The following TRABD2B variants were observed in gnomAD, a reference collection of about 807,000 sequenced individuals.
The protein encoded by TRABD2B is TraB domain containing 2B.
A neutral mutation model predicts 40.1 loss-of-function variants in TRABD2B; 14 were observed. The ratio of observed to expected loss-of-function variants is 0.35; its 90% confidence interval spans 0.23 to 0.55. The LOEUF is 0.55. Ranked by LOEUF, TRABD2B falls within the 20% of genes least tolerant of loss-of-function variation. The pLI is 0.90. For synonymous variants in TRABD2B, 263 were observed against 277.0 expected (o/e 0.95, Z 0.50); for missense variants, 541 against 648.6 (o/e 0.83, Z 1.80).
chr1:47,934,251 T>A (rs986512469), intron 2 of TRABD2B, among the ~76,000 whole-genome samples: 1 of 152,218 alleles, frequency 6.6e-6, no homozygotes, highest in African/African-American at 2.4e-5. Flanking sequence ...CAGTCTCTGG[T>A]TCATCCCACC....
rs750996564 is a variant in TRABD2B, at chr1:47,994,276, C to T, written c.424G>A (p.Gly142Ser). 64 of 1,536,816 alleles carry T rather than the reference C, an allele frequency of 4.2e-5. No individual in the cohort carries two copies. In the East Asian group the frequency reaches 1.5e-3, roughly 36 times the overall value. The stretch of plus-strand genomic sequence containing the variant: ...AGGTAGTCAGCATAGAGCCCCTTGC[C>T]CCGCTGAGCGGGCGTCATCCAGGAG... ...MPSWMTPAQR[G>S]KGLYADYLFN... Residue 142 changes from glycine (G) to serine (S), a missense_variant, in exon 2 of 7, where the codon GGC (glycine) becomes AGC (serine). Physicochemically the swap from Gly to Ser is moderately conservative, Grantham distance 56. Coordinates refer to ENST00000606738, the MANE Select transcript of TRABD2B (RefSeq NM_001194986.2). This position sits in a 1 kb window ranked among gnomAD's most constrained non-coding sequence, Gnocchi z 6.7.
chr1:47,985,625 G>T (rs1185927943), intron 2 of TRABD2B, among the ~76,000 whole-genome samples: 3 of 152,260 alleles, frequency 2.0e-5, no homozygotes, highest in Admixed American at 6.5e-5. Context: ...GGCATGGTCT[G>T]ATGACCTCAT....
At position 47,996,054 on chromosome 1, in the gene TRABD2B, C is replaced by T. The variant is rs761061788; in HGVS notation, c.102+634G>A. Among the ~76,000 whole-genome samples the T allele has an allele frequency of 6.6e-6, 1 of 152,206 alleles. No homozygotes were observed. Among genetic ancestry groups the T allele is most frequent in the Non-Finnish European group, 1.5e-5 (1 of 68,048 alleles). ...ATTAGGAGAACCAGTAATTACTCGACCCCAAGAAATATTAGGCCAGTATGT... is the reference window on the plus strand; with the variant it reads ...ATTAGGAGAACCAGTAATTACTCGATCCCAAGAAATATTAGGCCAGTATGT... On this transcript the variant is annotated intron_variant, in intron 1 of 6. Coordinates refer to ENST00000606738, the MANE Select transcript of TRABD2B (RefSeq NM_001194986.2). The surrounding 1 kb of genome is among the most constrained non-coding windows in gnomAD (Gnocchi z 4.6).
chr1:47,914,124 C>G (rs763803749), intron 2 of TRABD2B, among the ~76,000 whole-genome samples: 8 of 152,250 alleles, frequency 5.3e-5, no homozygotes, highest in Non-Finnish European at 1.0e-4. Context: ...GCCTGGATAA[C>G]TGGAAATGGG....
At chr1:47,887,997 G>A (rs918171981) in intron 2 of TRABD2B, among the ~76,000 whole-genome samples, 1 of 152,174 alleles carries the variant, frequency 6.6e-6, no homozygotes, top group Non-Finnish European at 1.5e-5. Context: ...CTTCACAAGG[G>A]AGACAAATGA....
chr1:47,908,608 C>A (rs193055481), intron 2 of TRABD2B, among the ~76,000 whole-genome samples: 1 of 152,338 alleles, frequency 6.6e-6, no homozygotes, highest in Non-Finnish European at 1.5e-5. Context: ...CTGTCTCTTG[C>A]CACCTCCTCT....
At chr1:47,883,241 T>A (rs1644328817) in intron 2 of TRABD2B, among the ~76,000 whole-genome samples, 1 of 152,188 alleles carries the variant, frequency 6.6e-6, no homozygotes, top group Non-Finnish European at 1.5e-5. Flanking sequence ...GCAGCAGAGT[T>A]GGGACTTAAT....
intron 2 of TRABD2B, among the ~76,000 whole-genome samples, chr1:47,868,761 C>T (rs56177561): frequency 0.026 from 3,898 of 152,290 alleles, 77 homozygotes; most frequent in Non-Finnish European, 0.037. Context: ...AACCACTGCT[C>T]TAAAGCACGG....
At position 47,898,620 on chromosome 1, in the gene TRABD2B, G is replaced by T. The variant is rs115714773; in HGVS notation, c.666+95414C>A. ...TATCTACAATTCTGAAATCCAAAAC[G>T]CTCTGAAGAATGTCTTTGGTAACTT... On this transcript the variant is annotated intron_variant, in intron 2 of 6. Transcript: ENST00000606738. Among the ~76,000 whole-genome samples the T allele has an allele frequency of 3.6e-3, 543 of 152,204 alleles. 6 individuals are homozygous for T. The highest frequency in any genetic ancestry group is 0.012 in the African/African-American group (500 of 41,506).
chr1:47,868,719 C>A (rs1253066900), intron 2 of TRABD2B, among the ~76,000 whole-genome samples: 1 of 152,156 alleles, frequency 6.6e-6, no homozygotes, highest in Non-Finnish European at 1.5e-5. Context: ...TTATCTTCCA[C>A]CAAACTGGTC....
At chr1:47,802,992 A>G (rs950653894) in intron 2 of TRABD2B, among the ~76,000 whole-genome samples, 7 of 152,052 alleles carry the variant, frequency 4.6e-5, no homozygotes, top group Non-Finnish European at 8.8e-5. Context: ...TCCAAATACT[A>G]AAATACTCAG....
chr1:47,927,013 C>A (rs1296055975), intron 2 of TRABD2B, among the ~76,000 whole-genome samples: 1 of 152,200 alleles, frequency 6.6e-6, no homozygotes, highest in African/African-American at 2.4e-5. Flanking sequence ...TAGGCAAGTG[C>A]TGGATTGTAT....
chr1:47,977,396 A>G (rs1456348590), intron 2 of TRABD2B, among the ~76,000 whole-genome samples: 1 of 152,082 alleles, frequency 6.6e-6, no homozygotes, highest in African/African-American at 2.4e-5. Context: ...TTAATATGTG[A>G]GTTAGAAGGC....
chr1:47,884,311 T>C (rs536080055), intron 2 of TRABD2B, among the ~76,000 whole-genome samples: 77 of 152,352 alleles, frequency 5.1e-4, no homozygotes, highest in Middle Eastern at 3.4e-3. Context: ...CCTGTCCTTT[T>C]TCCCTCTCCA....
intron 2 of TRABD2B, among the ~76,000 whole-genome samples, chr1:47,959,510 A>G (rs953334178): frequency 1.3e-5 from 2 of 152,248 alleles, no homozygotes; most frequent in Non-Finnish European, 2.9e-5. Flanking sequence ...GATGCAATAA[A>G]AAAATGATAA....
intron 2 of TRABD2B, among the ~76,000 whole-genome samples, chr1:47,906,694 G>C (rs1387723728): frequency 1.3e-5 from 2 of 152,242 alleles, no homozygotes; most frequent in African/African-American, 4.8e-5. Flanking sequence ...GGAAAAGCTG[G>C]ATTTCTCCAC....
chr1:47,900,302 C>G (rs1404426871), intron 2 of TRABD2B, among the ~76,000 whole-genome samples: 1 of 152,174 alleles, frequency 6.6e-6, no homozygotes, highest in African/African-American at 2.4e-5. Flanking sequence ...TAAGGCAGGG[C>G]CCACTTGCTC....
chr1:47,917,334 T>C (rs1169007510), intron 2 of TRABD2B, among the ~76,000 whole-genome samples: 1 of 152,222 alleles, frequency 6.6e-6, no homozygotes, highest in Non-Finnish European at 1.5e-5. Context: ...CATTCCCTCA[T>C]ATCTGCGGAT....
chr1:47,839,661 A>G (rs1236764342), intron 2 of TRABD2B, among the ~76,000 whole-genome samples: 1 of 152,188 alleles, frequency 6.6e-6, no homozygotes, highest in African/African-American at 2.4e-5. Context: ...GAGGGTCTGG[A>G]GCAGGCCCAG....
Sources: gnomAD v4.1 joint callset for allele counts (sites outside exome capture counted in the v4.1 genomes callset) on GRCh38, gnomAD v4.1.1 for gene constraint, Gnocchi (gnomAD v3.1) non-coding constraint, MANE v1.5 for transcripts, NCBI Gene and HGNC (gene_info 2026-07-23, HGNC 2026-07-21) for gene names.